The following PLD1 variants were observed in gnomAD, a reference collection of about 807,000 sequenced individuals.
PLD1 encodes the protein choline phosphatase 1.
Under a neutral mutation model 137.1 loss-of-function variants are expected in PLD1, and 112 were observed. That is an observed-to-expected ratio of 0.82 (90% CI 0.70 to 0.96). PLD1 has a LOEUF of 0.96. PLD1 is among the 40% of genes least tolerant of loss of function. The pLI is 0.00. For synonymous variants in PLD1, 431 were observed against 454.7 expected (o/e 0.95, Z 0.66); for missense variants, 1,321 against 1,342.0 (o/e 0.98, Z 0.24).
At position 171,687,371 on chromosome 3, in the gene PLD1, T is replaced by C; in HGVS notation, c.1753A>G (p.Ser585Gly). The change falls in exon 15 of 27, where the codon AGT becomes GGT. Residue 585 changes from serine to glycine, a missense_variant and splice_region_variant. By Grantham distance (56) the Ser-to-Gly change is moderately conservative. Transcript: ENST00000351298. Reference sequence around the variant, plus strand: ...AATTCTAGTCAAGGCCATGACTTACTGGAGGTGCTGTCAATGCTGCTGATG... The same window carrying C: ...AATTCTAGTCAAGGCCATGACTTACCGGAGGTGCTGTCAATGCTGCTGATG... Reference protein sequence around the residue: ...DSISSIDSTSSYFNHYRSHHN... With the variant: ...DSISSIDSTSGYFNHYRSHHN... The C allele has an allele frequency of 1.2e-6, 2 of 1,613,158 alleles. No individual in the cohort carries two copies. Among genetic ancestry groups the C allele is most frequent in the South Asian group, 1.1e-5 (1 of 91,068 alleles).
At chr3:171,672,829 C>T (rs915532024) in intron 19 of PLD1, among the ~76,000 whole-genome samples, 2 of 152,122 alleles carry the variant, frequency 1.3e-5, no homozygotes, top group African/African-American at 2.4e-5. Flanking sequence ...AAAAAGCGAA[C>T]GAAGAGAAGC....
chr3:171,720,061 A>G (rs1325468594), intron 8 of PLD1, among the ~76,000 whole-genome samples: 1 of 152,116 alleles, frequency 6.6e-6, no homozygotes, highest in Non-Finnish European at 1.5e-5. Flanking sequence ...TTGGAAGGCC[A>G]AGGTGGGCAG....
chr3:171,666,810 T>C (rs541438407), intron 19 of PLD1, among the ~76,000 whole-genome samples: 6 of 152,338 alleles, frequency 3.9e-5, no homozygotes, highest in Non-Finnish European at 5.9e-5. Flanking sequence ...TTTTAAAATA[T>C]ATAAAAAATG....
chr3:171,621,797 A>G (rs951310091), intron 23 of PLD1, among the ~76,000 whole-genome samples: 3 of 152,198 alleles, frequency 2.0e-5, no homozygotes, highest in Non-Finnish European at 4.4e-5. Context: ...CTTCATCTGA[A>G]GAATCACCTC....
chr3:171,783,060 T>A (rs9968074), intron 1 of PLD1, among the ~76,000 whole-genome samples: 1 of 151,726 alleles, frequency 6.6e-6, no homozygotes, highest in African/African-American at 2.4e-5. Context: ...GCTTCTAGTT[T>A]CCCAGTGATA....
intron 23 of PLD1, among the ~76,000 whole-genome samples, chr3:171,623,313 CT>C (rs57580074): frequency 7.1e-4 from 92 of 130,012 alleles, no homozygotes; most frequent in Middle Eastern, 3.7e-3. Flanking sequence ...CCCTATCAGA[CT>C]TTTTTTTTTT....
At position 171,635,427 on chromosome 3, in the gene PLD1, T is replaced by TTTA. The variant is rs138861146; in HGVS notation, c.2593+7410_2593+7412dup. ...ACTATTTACACATCCTTGCCAATAC[T>TTTA]TTATTATTATTATTATTATTATGGC... is the stretch of plus-strand genomic sequence containing the variant. On this transcript the variant is annotated intron_variant, in intron 23 of 26. Transcript: ENST00000351298. 5.2e-3 allele frequency among the ~76,000 whole-genome samples: 790 copies of TTTA among 151,646 alleles called. 30 individuals are homozygous for TTTA. The East Asian group carries it at 0.092, about 18-fold the overall frequency.
chr3:171,720,488 CAGG>C (rs1718044072), intron 8 of PLD1, among the ~76,000 whole-genome samples: 1 of 150,678 alleles, frequency 6.6e-6, no homozygotes, highest in African/African-American at 2.5e-5. Flanking sequence ...GAGCCTGAGG[CAGG>C]AGAACGGCAT....
intron 1 of PLD1, among the ~76,000 whole-genome samples, chr3:171,748,881 T>G (rs549121638): frequency 6.7e-6 from 1 of 150,128 alleles, no homozygotes; most frequent in African/African-American, 2.5e-5. Flanking sequence ...CCCCTAGTTA[T>G]TCTAAGAGCT....
At chr3:171,674,979 C>CAAAAAAAA (rs376402019) in intron 18 of PLD1, among the ~76,000 whole-genome samples, 61 of 74,226 alleles carry the variant, frequency 8.2e-4, no homozygotes, top group African/African-American at 1.0e-3. Context: ...ATCTCCATCT[C>CAAAAAAAA]AAAAAAAAAA....
At chr3:171,665,987 ACTATT>A in intron 19 of PLD1, among the ~76,000 whole-genome samples, 1 of 152,188 alleles carries the variant, frequency 6.6e-6, no homozygotes, top group Non-Finnish European at 1.5e-5. Flanking sequence ...TTCATTTACT[ACTATT>A]CTAATTAGTT....
intron 7 of PLD1, among the ~76,000 whole-genome samples, chr3:171,725,520 A>G (rs1435365286): frequency 6.6e-6 from 1 of 152,238 alleles, no homozygotes; most frequent in East Asian, 1.9e-4. Flanking sequence ...TTTTGAAACA[A>G]CTACTAACAA....
At chr3:171,756,144 G>A (rs551522343) in intron 1 of PLD1, among the ~76,000 whole-genome samples, 2 of 152,240 alleles carry the variant, frequency 1.3e-5, no homozygotes, top group South Asian at 4.1e-4. Flanking sequence ...AGTGTACCTG[G>A]ACATAGAGTA....
At chr3:171,765,233 TA>T (rs1173703954) in intron 1 of PLD1, 2 of 152,138 alleles carry the variant, frequency 1.3e-5, no homozygotes, top group African/African-American at 4.8e-5. Flanking sequence ...ATAAAGCTGT[TA>T]AAAAACGATT....
At chr3:171,781,110 G>A (rs1722780723) in intron 1 of PLD1, among the ~76,000 whole-genome samples, 1 of 151,966 alleles carries the variant, frequency 6.6e-6, no homozygotes, top group Non-Finnish European at 1.5e-5. Context: ...TACTAGTACA[G>A]GATCAACAAA....
intron 8 of PLD1, among the ~76,000 whole-genome samples, chr3:171,720,753 A>G (rs1315002791): frequency 6.6e-6 from 1 of 152,252 alleles, no homozygotes; most frequent in Non-Finnish European, 1.5e-5. Flanking sequence ...CAGTGATGAC[A>G]CATTTCATTC....
At chr3:171,649,893 C>T (rs372163274) in intron 21 of PLD1, among the ~76,000 whole-genome samples, 17 of 152,302 alleles carry the variant, frequency 1.1e-4, no homozygotes, top group African/African-American at 4.1e-4. Context: ...CTTGTAGCCA[C>T]TAAAAATGAC....
chr3:171,806,664 T>C (rs749345151), intron 1 of PLD1, among the ~76,000 whole-genome samples: 16 of 152,248 alleles, frequency 1.1e-4, no homozygotes, highest in South Asian at 2.1e-4. Context: ...TATCAATCTT[T>C]AGTAAACATC....
chr3:171,729,875 A>T (rs1239441097), intron 6 of PLD1, among the ~76,000 whole-genome samples: 2 of 152,196 alleles, frequency 1.3e-5, no homozygotes, highest in Non-Finnish European at 2.9e-5. Flanking sequence ...GGAGAGGTGA[A>T]CTCAGTATTA....
Sources: allele counts gnomAD v4.1 joint callset (sites outside exome capture counted in the v4.1 genomes callset), GRCh38; gene constraint gnomAD v4.1.1; transcripts MANE v1.5; gene names NCBI Gene and HGNC (gene_info 2026-07-23, HGNC 2026-07-21).